Variants in PDS5A observed in about 807,000 individuals in gnomAD.
PDS5A encodes PDS5 cohesin associated factor A.
In PDS5A, 42 loss-of-function variants were observed where a neutral mutation model predicts 167.1. That is an observed-to-expected ratio of 0.25 (90% CI 0.20 to 0.33). The LOEUF (loss-of-function observed/expected upper bound fraction) is 0.33, where lower values mean the gene tolerates loss of function less well. Among genes scored for constraint, PDS5A ranks in the 10% least tolerant of loss-of-function variants. The probability of loss-of-function intolerance (pLI) is 1.00; values close to 1 mark genes in which losing one functional copy is unlikely to be tolerated. For synonymous variants in PDS5A, 553 were observed against 554.6 expected (o/e 1.00, Z 0.04); for missense variants, 1,033 against 1,605.9 (o/e 0.64, Z 6.10).
intron 31 of PDS5A, among the ~76,000 whole-genome samples, chr4:39,838,766 T>C (rs1716672366): frequency 6.6e-6 from 1 of 152,034 alleles, no homozygotes; most frequent in South Asian, 2.1e-4. Context: ...ACGCCTGTAA[T>C]CTCACTACTT....
intron 16 of PDS5A, among the ~76,000 whole-genome samples, chr4:39,894,253 C>CA (rs1722208591): frequency 1.3e-5 from 2 of 151,838 alleles, no homozygotes; most frequent in South Asian, 4.2e-4. Flanking sequence ...ACTAAAAATA[C>CA]AAAAATTAGT....
intron 2 of PDS5A, among the ~76,000 whole-genome samples, chr4:39,956,827 A>G: frequency 6.6e-6 from 1 of 151,984 alleles, no homozygotes; most frequent in East Asian, 1.9e-4. Context: ...CGCCTGCACC[A>G]CATCCAGCTA....
At chr4:39,945,498 T>C (rs918903588) in intron 2 of PDS5A, among the ~76,000 whole-genome samples, 39 of 148,664 alleles carry the variant, frequency 2.6e-4, no homozygotes, top group Non-Finnish European at 4.6e-4. Context: ...GCAGGCAATG[T>C]AGCTAGTCAC....
intron 6 of PDS5A, among the ~76,000 whole-genome samples, chr4:39,921,690 G>A (rs1217921204): frequency 6.6e-6 from 1 of 151,518 alleles, no homozygotes; most frequent in Non-Finnish European, 1.5e-5. Context: ...AGACAGAGGC[G>A]GCAATGAGCC....
chr4:39,842,935 A>ATATATATATATATATG (rs1717190137), intron 30 of PDS5A, among the ~76,000 whole-genome samples: 2 of 139,716 alleles, frequency 1.4e-5, no homozygotes, highest in South Asian at 2.3e-4. Flanking sequence ...ATATATATAT[A>ATATATATATATATATG]TATTTTAAGA....
intron 5 of PDS5A, 61 bp downstream of exon 5, chr4:39,925,775 C>CAA: frequency 1.7e-6 from 1 of 602,752 alleles, no homozygotes; most frequent in Non-Finnish European, 2.9e-6. Flanking sequence ...GTAGAGTATA[C>CAA]AACATCTGAA....
intron 11 of PDS5A, among the ~76,000 whole-genome samples, chr4:39,907,342 A>G (rs1723470362): frequency 6.6e-6 from 1 of 152,210 alleles, no homozygotes; most frequent in African/African-American, 2.4e-5. Context: ...ACCTCTTTCT[A>G]TATTTTAAAA....
intron 1 of PDS5A, among the ~76,000 whole-genome samples, 189 bp from the exon 2 acceptor site, chr4:39,976,806 C>T (rs1198688824): frequency 6.6e-6 from 1 of 152,216 alleles, no homozygotes; most frequent in Non-Finnish European, 1.5e-5. Flanking sequence ...CTGCCAGCCC[C>T]AGGCTCACGG....
At chr4:39,973,271 C>T (rs1438862301) in intron 2 of PDS5A, 4 of 1,516,348 alleles carry the variant, frequency 2.6e-6, no homozygotes, top group East Asian at 4.5e-5. Context: ...TGCTTTTGCT[C>T]TTGAGGGGCA....
At chr4:39,850,993 AG>A (rs1328586981) in intron 26 of PDS5A, among the ~76,000 whole-genome samples, 2 of 152,202 alleles carry the variant, frequency 1.3e-5, no homozygotes, top group Non-Finnish European at 2.9e-5. Context: ...TTGTTTTAAG[AG>A]ACTACTGTAG....
chr4:39,826,186 T>G (rs991746460), intron 32 of PDS5A, among the ~76,000 whole-genome samples: 2 of 50,614 alleles, frequency 4.0e-5, no homozygotes, highest in Admixed American at 1.8e-4. Context: ...ACTGGCGTGT[T>G]TTTTTTTTTT....
chr4:39,856,132 A>G (rs958667881), intron 26 of PDS5A, among the ~76,000 whole-genome samples: 3 of 152,146 alleles, frequency 2.0e-5, no homozygotes, highest in African/African-American at 2.4e-5. Flanking sequence ...CTCAATAAGA[A>G]TAACAGCTGA....
intron 3 of PDS5A, 112 bp from the exon 4 acceptor site, chr4:39,926,973 C>A: frequency 1.1e-6 from 1 of 894,262 alleles, no homozygotes; most frequent in Non-Finnish European, 1.5e-6. Flanking sequence ...GAAAATTCTC[C>A]TTTAGATGAA....
chr4:39,948,430 A>C (rs901255093), intron 2 of PDS5A, among the ~76,000 whole-genome samples: 1 of 145,846 alleles, frequency 6.9e-6, no homozygotes, highest in Non-Finnish European at 1.5e-5. Flanking sequence ...GGTTCAAGCA[A>C]TTCTCTGCCT....
chr4:39,849,391 A>G (rs1717915237), intron 27 of PDS5A, 129 bp downstream of exon 27: 3 of 638,352 alleles, frequency 4.7e-6, no homozygotes, highest in Non-Finnish European at 8.1e-6. Flanking sequence ...AACTGACTAC[A>G]CATTTACTTT....
chr4:39,973,245 C>T (rs769840007), intron 2 of PDS5A: 96 of 1,490,628 alleles, frequency 6.4e-5, no homozygotes, highest in Non-Finnish European at 7.8e-5. Context: ...TCTGGACTCT[C>T]GAGCATATGA....
intron 3 of PDS5A, among the ~76,000 whole-genome samples, chr4:39,927,590 T>C (rs996847057): frequency 2.0e-5 from 3 of 152,340 alleles, no homozygotes; most frequent in South Asian, 2.1e-4. Context: ...GAATAACTTA[T>C]AGGGGAAAAT....
At chr4:39,863,103 C>T (rs776961301) in intron 24 of PDS5A, 30 bp from the exon 25 acceptor site, 6 of 1,525,378 alleles carry the variant, frequency 3.9e-6, no homozygotes, top group Middle Eastern at 3.4e-4. Flanking sequence ...CTTAAATTGG[C>T]AACCATTTAT....
intron 26 of PDS5A, among the ~76,000 whole-genome samples, chr4:39,856,533 C>A (rs977572995): frequency 2.0e-5 from 3 of 152,134 alleles, no homozygotes; most frequent in Admixed American, 6.6e-5. Context: ...AAGGAAAATG[C>A]GGCTGGGTGC....
Sources: gnomAD v4.1 joint callset for allele counts (sites outside exome capture counted in the v4.1 genomes callset) on GRCh38, gnomAD v4.1.1 for gene constraint, MANE v1.5 for transcripts, NCBI Gene and HGNC (gene_info 2026-07-23, HGNC 2026-07-21) for gene names.